The following C1S variants were observed in gnomAD, a reference collection of about 807,000 sequenced individuals.
C1S encodes complement C1s.
C1S carries 31 observed loss-of-function variants against 54.0 expected under a neutral mutation model. The ratio of observed to expected loss-of-function variants is 0.57; its 90% CI spans 0.43 to 0.78. The LOEUF is 0.78. Ranked by LOEUF, C1S falls within the 30% of genes least tolerant of loss-of-function variation. The pLI, the probability that C1S is intolerant of heterozygous loss-of-function variation, is 0.00. For synonymous variants in C1S, 292 were observed against 303.6 expected (o/e 0.96, Z 0.40); for missense variants, 727 against 851.8 (o/e 0.85, Z 1.82).
chr12:7,067,458 C>T lies in C1S; in HGVS notation c.1067-185C>T, dbSNP rs782308018. On this transcript the variant is annotated intron_variant, in intron 9 of 11. Transcript: ENST00000360817. ...GGGGCCATCTGAATTGGCATCTCAG[C>T]GGGTGAGAGAGCTGAGAGATGCCAG... The T allele has an allele frequency of 6.5e-5, 49 of 753,614 alleles. 1 individual carries two copies. The highest frequency in any genetic ancestry group is 3.0e-4 in the Admixed American group (17 of 56,860). The allele number at this position is 753,614 out of a possible 1,614,324, so 46.7% of individuals were successfully genotyped here. A position where few individuals can be genotyped will look rare whatever the true frequency, so the allele number is the denominator to read the frequency against.
At chr12:7,064,046 A>C (rs953684455) in intron 4 of C1S, 8 of 601,598 alleles carry the variant, frequency 1.3e-5, no homozygotes, top group South Asian at 3.0e-5. Context: ...ACACACACAC[A>C]CCCCCGAGCT....
At position 7,066,540 on chromosome 12, in the gene C1S, C is replaced by T; in HGVS notation, c.894C>T (p.Asp298=). 1.2e-6 allele frequency: 2 copies of T among 1,611,156 alleles called. No individual in the cohort carries two copies. The highest frequency in any genetic ancestry group is 1.1e-5 in the South Asian group (1 of 91,014). The change falls in exon 8 of 12, where the codon GAC becomes GAT. Residue 298 remains aspartate, a synonymous_variant. Transcript: ENST00000360817. The part of the protein sequence containing the change: ...HGDPMPCPKE[D]TPNSVWEPAK... ...AAGCAATGCCCTGCCCTAAGGAAGACACTCCCAATTCTGTTTGGGAGCCTG... is the reference window on the plus strand; with the variant it reads ...AAGCAATGCCCTGCCCTAAGGAAGATACTCCCAATTCTGTTTGGGAGCCTG...
At chr12:7,068,698 A>AC in intron 11 of C1S, 168 bp downstream of exon 11, 1 of 627,882 alleles carries the variant, frequency 1.6e-6, no homozygotes, top group South Asian at 1.8e-5. Context: ...GCCGTGGGGA[A>AC]CCTCCTCAGC....
intron 9 of C1S, 79 bp from the exon 10 acceptor site, chr12:7,067,564 G>A (rs1226661928): frequency 1.3e-6 from 2 of 1,525,356 alleles, no homozygotes; most frequent in African/African-American, 2.7e-5. Context: ...GGGAAGCAGT[G>A]AGGATGAACC....
At chr12:7,063,954 G>C (rs1246170849) in intron 4 of C1S, 7 of 475,668 alleles carry the variant, frequency 1.5e-5, no homozygotes, top group African/African-American at 1.4e-4. Context: ...GTTTGAACTT[G>C]CTTGAAAATG....
In C1S at chr12:7,070,835, A is replaced by G; in HGVS notation, c.*184A>G. 1.5e-6 allele frequency: 1 copy of G among 648,426 alleles called. No homozygotes were observed. The highest frequency in any genetic ancestry group is 2.8e-5 in the East Asian group (1 of 36,102). 40.2% of individuals were successfully genotyped at this position (648,426 alleles called of 1,614,324 possible). On this transcript the variant is annotated 3_prime_UTR_variant, in exon 12 of 12. Coordinates refer to ENST00000360817, the MANE Select transcript of C1S (RefSeq NM_001734.5). The surrounding 1 kb of genome is among the most constrained non-coding windows in gnomAD (Gnocchi z 4.9). ...GATCATAGAATTGTGCTGGTCATAC[A>G]TTTGTGGTCTGACTCCTTGGGGTCC...
intron 10 of C1S, 62 bp from the exon 11 acceptor site, chr12:7,068,394 G>A (rs1012530785): frequency 6.6e-6 from 8 of 1,215,152 alleles, no homozygotes; most frequent in South Asian, 2.4e-5. Context: ...GGGGTCGGAG[G>A]GGGGAATGGA....
At position 7,070,258 on chromosome 12, in the gene C1S, C is replaced by T; in HGVS notation, c.1674C>T (p.Asn558=). Residue 558 remains asparagine, a synonymous_variant, in exon 12 of 12, where the codon AAC becomes AAT. Transcript: ENST00000360817. This position sits in a 1 kb window ranked among gnomAD's most constrained non-coding sequence, Gnocchi z 4.9. ...TACCAGGCACCTCTTCCGACTACAA[C>T]CTCATGGATGGGGACCTGGGACTGA... ...ICLPGTSSDY[N]LMDGDLGLIS... 1.2e-6 allele frequency: 2 copies of T among 1,614,194 alleles called. No individual in the cohort carries two copies. The highest frequency in any genetic ancestry group is 1.3e-5 in the African/African-American group (1 of 75,062).
At position 7,062,725 on chromosome 12, in the gene C1S, C is replaced by T. The variant is rs1555161434; in HGVS notation, c.213+43C>T. On this transcript the variant is annotated intron_variant, in intron 3 of 11. Coordinates refer to ENST00000360817, the MANE Select transcript of C1S (RefSeq NM_001734.5). ...AAAGAATAGAGATGGAAGACTAGGG[C>T]TAAGGTAGCGGAATAAGGATGTGGG... The T allele has an allele frequency of 1.9e-6, 3 of 1,582,124 alleles. No individual in the cohort carries two copies. In the Admixed American group the frequency reaches 5.0e-5, roughly 26 times the overall value.
At chr12:7,061,978 A>G in intron 2 of C1S, 61 bp downstream of exon 2, 1 of 1,556,516 alleles carries the variant, frequency 6.4e-7, no homozygotes, top group South Asian at 1.1e-5. Context: ...TCTCAAGAAA[A>G]GCGCTCAAGG....
intron 10 of C1S, among the ~76,000 whole-genome samples, 194 bp from the exon 11 acceptor site, chr12:7,068,262 C>T (rs932641995): frequency 2.0e-5 from 3 of 152,166 alleles, no homozygotes; most frequent in Non-Finnish European, 2.9e-5. Context: ...CTTTGTCTCC[C>T]TGGCAGGCTA....
chr12:7,066,067 C>A, intron 7 of C1S, 97 bp downstream of exon 7: 1 of 1,119,186 alleles, frequency 8.9e-7, no homozygotes. Flanking sequence ...ACTGGAAGCA[C>A]CTGTGATCTC....
chr12:7,064,226 G>A, intron 4 of C1S, 41 bp from the exon 5 acceptor site: 1 of 1,611,216 alleles, frequency 6.2e-7, no homozygotes, highest in Non-Finnish European at 8.5e-7. Flanking sequence ...CTCCCTTCTT[G>A]GTGTTTGTTC....
chr12:7,062,559 G>C lies in C1S; in HGVS notation c.90G>C (p.Gln30His). ...AGATCCTGTCCCCTAACTATCCTCA[G>C]GCATATCCCAGTGAGGTAGAGAAAT... ...YGEILSPNYP[Q>H]AYPSEVEKSW... is the part of the protein sequence containing the mutation. Residue 30 changes from glutamine to histidine, a missense_variant, in exon 3 of 12, where the codon CAG (glutamine) becomes CAC (histidine). Transcript: ENST00000360817. 1 of 1,613,788 alleles carries C rather than the reference G, an allele frequency of 6.2e-7. No homozygotes were observed. The highest frequency in any genetic ancestry group is 8.5e-7 in the Non-Finnish European group (1 of 1,179,744).
chr12:7,064,969 G>T, intron 5 of C1S, 131 bp from the exon 6 acceptor site: 1 of 753,682 alleles, frequency 1.3e-6, no homozygotes, highest in Admixed American at 2.1e-5. Context: ...TATCCCTCCA[G>T]TTAGGGCAGG....
At chr12:7,061,948 A>G (rs782401874) in intron 2 of C1S, 31 bp downstream of exon 2, 1 of 1,610,688 alleles carries the variant, frequency 6.2e-7, no homozygotes. Context: ...GAGATGACAC[A>G]GACTCCATTC....
rs1555162110 is a variant in C1S at position 7,065,829 on chromosome 12, G to T, written c.730G>T (p.Asp244Tyr). ...TCATTTTGTTCAGTTTGTTGCAGGA[G>T]ATCGGCAATTTGGTCCTTACTGTGG... ...CLDSLVFVAG[D>Y]RQFGPYCGHG... The change falls in exon 7 of 12, where the codon GAT becomes TAT. Residue 244 changes from aspartate to tyrosine, a missense_variant. This residue lies in a region of C1S where 357 missense variants were observed against 365.4 expected (regional missense o/e 0.98). Coordinates refer to ENST00000360817, the MANE Select transcript of C1S (RefSeq NM_001734.5). The T allele has an allele frequency of 6.2e-7, 1 of 1,612,632 alleles. No homozygotes were observed. The highest frequency in any genetic ancestry group is 1.1e-5 in the South Asian group (1 of 91,066).
intron 5 of C1S, 130 bp downstream of exon 5, chr12:7,064,522 G>T (rs1405388947): frequency 2.4e-6 from 2 of 822,304 alleles, no homozygotes; most frequent in Non-Finnish European, 3.7e-6. Context: ...TTTTATTTTA[G>T]AATTTATTTA....
chr12:7,062,977 G>C lies in C1S; in HGVS notation c.301G>C (p.Val101Leu). ...CTCTCCAATTGTGGAAGAGTTCCAA[G>C]TCCCATACAACAAACTCCAGGTGAT... ...PHSPIVEEFQVPYNKLQVIFK... is the reference protein window; with the variant it reads ...PHSPIVEEFQLPYNKLQVIFK... The change falls in exon 4 of 12, where the codon GTC (valine) becomes CTC (leucine). Residue 101 changes from valine to leucine, a missense_variant. This residue lies in a region of C1S where 357 missense variants were observed against 365.4 expected (regional missense o/e 0.98). Transcript: ENST00000360817. The C allele has an allele frequency of 1.2e-6, 2 of 1,614,078 alleles. No homozygotes were observed. Among genetic ancestry groups the C allele is most frequent in the Non-Finnish European group, 1.7e-6 (2 of 1,179,982 alleles).
Sources: gnomAD v4.1 joint callset for allele counts (sites outside exome capture counted in the v4.1 genomes callset) on GRCh38, gnomAD v4.1.1 for gene constraint, gnomAD v4.1.1 regional missense constraint, Gnocchi (gnomAD v3.1) non-coding constraint, MANE v1.5 for transcripts, NCBI Gene and HGNC (gene_info 2026-07-23, HGNC 2026-07-21) for gene names.